EPHA6: variants seen among roughly 807,000 people sequenced by gnomAD.
EPHA6 encodes EPH receptor A6, also known as ephrin type-A receptor 6.
EPHA6 carries 50 observed loss-of-function variants against 112.0 expected under a neutral mutation model. The ratio of observed to expected loss-of-function variants is 0.45; its 90% CI spans 0.36 to 0.56. EPHA6 has a LOEUF of 0.56. Among genes scored for constraint, EPHA6 ranks in the 20% least tolerant of loss-of-function variants. The probability of loss-of-function intolerance (pLI) is 0.00; values close to 1 mark genes in which losing one functional copy is unlikely to be tolerated. For synonymous variants in EPHA6, 529 were observed against 490.7 expected (o/e 1.08, Z -1.03); for missense variants, 1,280 against 1,417.4 (o/e 0.90, Z 1.56).
At chr3:96,834,753 A>T (rs941175713) in intron 1 of EPHA6, among the ~76,000 whole-genome samples, 1 of 152,034 alleles carries the variant, frequency 6.6e-6, no homozygotes, top group Non-Finnish European at 1.5e-5. Context: ...ATAATCAAAT[A>T]GGTCTGGAAC....
intron 2 of EPHA6, among the ~76,000 whole-genome samples, chr3:96,911,257 G>T (rs532970674): frequency 1.1e-4 from 17 of 152,114 alleles, no homozygotes; most frequent in Non-Finnish European, 2.4e-4. Flanking sequence ...AACATATTTT[G>T]TGAGTATAGT....
intron 5 of EPHA6, among the ~76,000 whole-genome samples, chr3:97,373,569 GA>G (rs1276861889): frequency 6.6e-6 from 1 of 152,086 alleles, no homozygotes; most frequent in African/African-American, 2.4e-5. Flanking sequence ...ATTGATGCAA[GA>G]ATGGCTTGTT....
chr3:96,962,100 T>C (rs1165061050), intron 2 of EPHA6, among the ~76,000 whole-genome samples: 2 of 152,122 alleles, frequency 1.3e-5, no homozygotes, highest in African/African-American at 4.8e-5. Context: ...TCCTCAGCAC[T>C]TTCTGACCTG....
At chr3:97,443,662 A>T (rs1447092520) in intron 6 of EPHA6, among the ~76,000 whole-genome samples, 1 of 152,146 alleles carries the variant, frequency 6.6e-6, no homozygotes, top group Non-Finnish European at 1.5e-5. Flanking sequence ...GGCAGCCTGC[A>T]TGGATTTGTT....
At chr3:97,620,115 C>T (rs2093801552) in intron 13 of EPHA6, among the ~76,000 whole-genome samples, 1 of 152,052 alleles carries the variant, frequency 6.6e-6, no homozygotes, top group East Asian at 1.9e-4. Flanking sequence ...TAAGACTACA[C>T]ACCTACAGCT....
At chr3:97,152,431 A>G (rs1317153910) in intron 3 of EPHA6, among the ~76,000 whole-genome samples, 1 of 149,164 alleles carries the variant, frequency 6.7e-6, no homozygotes, top group Non-Finnish European at 1.5e-5. Flanking sequence ...TATTATTAAT[A>G]AATAATATAT....
At chr3:96,906,049 C>T (rs943998742) in intron 2 of EPHA6, among the ~76,000 whole-genome samples, 3 of 152,080 alleles carry the variant, frequency 2.0e-5, no homozygotes, top group African/African-American at 7.2e-5. Flanking sequence ...TCTGAATATG[C>T]TAAGTCTGCT....
chr3:97,427,508 A>C (rs970364913), intron 6 of EPHA6, among the ~76,000 whole-genome samples: 2 of 152,114 alleles, frequency 1.3e-5, no homozygotes, highest in Admixed American at 6.5e-5. Flanking sequence ...ATGGACACAT[A>C]GAGGAATAAC....
At chr3:97,304,377 A>G (rs901201941) in intron 5 of EPHA6, among the ~76,000 whole-genome samples, 1 of 151,954 alleles carries the variant, frequency 6.6e-6, no homozygotes, top group East Asian at 1.9e-4. Context: ...GATGTTCTTC[A>G]CAAAATTAGG....
chr3:97,098,211 G>A (rs1490242841), intron 3 of EPHA6, among the ~76,000 whole-genome samples: 1 of 151,774 alleles, frequency 6.6e-6, no homozygotes, highest in Non-Finnish European at 1.5e-5. Flanking sequence ...CTGGACCCAG[G>A]GATTGGACCA....
At chr3:97,519,305 T>C (rs2092499122) in intron 10 of EPHA6, among the ~76,000 whole-genome samples, 1 of 152,190 alleles carries the variant, frequency 6.6e-6, no homozygotes, top group African/African-American at 2.4e-5. Flanking sequence ...CCGTCAGCTG[T>C]AGATATGTGT....
At chr3:97,048,135 T>C (rs754509997) in intron 3 of EPHA6, among the ~76,000 whole-genome samples, 3 of 152,180 alleles carry the variant, frequency 2.0e-5, no homozygotes, top group Non-Finnish European at 2.9e-5. Context: ...AAGATGAAGA[T>C]TTATTTTGTT....
chr3:97,641,259 A>G (rs1480205355), intron 14 of EPHA6, among the ~76,000 whole-genome samples: 2 of 152,210 alleles, frequency 1.3e-5, no homozygotes, highest in Admixed American at 6.5e-5. Context: ...AACTTTGTTT[A>G]TAAATTTTAG....
At chr3:97,394,065 A>G (rs1207629265) in intron 5 of EPHA6, among the ~76,000 whole-genome samples, 1 of 151,688 alleles carries the variant, frequency 6.6e-6, no homozygotes, top group East Asian at 1.9e-4. Flanking sequence ...TATGAATTTC[A>G]TTTCCTTTGG....
chr3:96,999,854 A>C (rs1264650601), intron 3 of EPHA6, among the ~76,000 whole-genome samples: 1 of 151,904 alleles, frequency 6.6e-6, no homozygotes, highest in Non-Finnish European at 1.5e-5. Flanking sequence ...AGAATCTCAC[A>C]GATAGTGGAG....
intron 14 of EPHA6, among the ~76,000 whole-genome samples, chr3:97,654,778 GA>G (rs2094127864): frequency 1.3e-5 from 2 of 151,862 alleles, no homozygotes; most frequent in African/African-American, 4.8e-5. Context: ...AACAAAGAAA[GA>G]AGAGCCAGAT....
At chr3:96,942,406 C>G (rs1215121146) in intron 2 of EPHA6, among the ~76,000 whole-genome samples, 2 of 152,148 alleles carry the variant, frequency 1.3e-5, no homozygotes, top group African/African-American at 4.8e-5. Context: ...GCCTAGGACC[C>G]TCCGAGCTAG....
intron 3 of EPHA6, among the ~76,000 whole-genome samples, chr3:97,174,015 C>CT (rs767617349): frequency 6.5e-4 from 98 of 151,798 alleles, no homozygotes; most frequent in Non-Finnish European, 1.1e-3. Context: ...CCATCACCTT[C>CT]TACCTTCCCC....
At chr3:97,161,491 T>G (rs751457651) in intron 3 of EPHA6, among the ~76,000 whole-genome samples, 52 of 152,170 alleles carry the variant, frequency 3.4e-4, no homozygotes, top group Non-Finnish European at 6.2e-4. Flanking sequence ...TAGAGTCTTC[T>G]CTTATTCTTG....
Sources: gnomAD v4.1 joint callset for allele counts (sites outside exome capture counted in the v4.1 genomes callset) on GRCh38, gnomAD v4.1.1 for gene constraint, MANE v1.5 for transcripts, NCBI Gene and HGNC (gene_info 2026-07-23, HGNC 2026-07-21) for gene names.